DLGAP4: variants seen among roughly 807,000 people sequenced by gnomAD.
The protein encoded by DLGAP4 is disks large-associated protein 4.
Under a neutral mutation model 86.9 loss-of-function variants are expected in DLGAP4, and 18 were observed. The observed-to-expected ratio is 0.21, with a 90% CI of 0.14 to 0.31. The LOEUF (loss-of-function observed/expected upper bound fraction) is 0.31. DLGAP4 is among the 10% of genes least tolerant of loss of function. The pLI is 1.00. For missense variants in DLGAP4, 1,085 were observed against 1,362.6 expected (o/e 0.80, Z 3.21); for synonymous variants, 548 against 574.3 (o/e 0.95, Z 0.65).
At chr20:36,381,923 C>T (rs1037786311) in intron 2 of DLGAP4, among the ~76,000 whole-genome samples, 1 of 152,196 alleles carries the variant, frequency 6.6e-6, no homozygotes, top group Non-Finnish European at 1.5e-5. Flanking sequence ...CTTGGAATCT[C>T]ATGGGGTCCC....
chr20:36,446,612 C>A (rs1006741458), intron 6 of DLGAP4, 85 bp from the exon 7 acceptor site: 18 of 1,346,472 alleles, frequency 1.3e-5, no homozygotes, highest in Non-Finnish European at 1.8e-5. Context: ...ACTGTCCAGC[C>A]CTGCCCTGAG....
chr20:36,409,274 A>C (rs907157695), intron 2 of DLGAP4, among the ~76,000 whole-genome samples: 4 of 151,414 alleles, frequency 2.6e-5, no homozygotes, highest in Non-Finnish European at 5.9e-5. Context: ...TTGGTCTTCA[A>C]CTCCTGGCCT....
chr20:36,467,053 TCTCTCTCTCTCC>T (rs2034432195), intron 7 of DLGAP4, among the ~76,000 whole-genome samples: 2 of 120,882 alleles, frequency 1.7e-5, no homozygotes, highest in African/African-American at 4.0e-5. Context: ...TCTCTCTCTC[TCTCTCTCTCTCC>T]CCCCCCCTTC....
At position 36,414,618 on chromosome 20, in the gene DLGAP4, G is replaced by A. The variant is rs76163314; in HGVS notation, c.-72-17028G>A. 2.7e-3 allele frequency among the ~76,000 whole-genome samples: 406 copies of A among 152,322 alleles called. 3 individuals carry two copies. The highest frequency in any genetic ancestry group is 9.5e-3 in the African/African-American group (393 of 41,572). ...GTCAGCCCCTGCTTGAGCCCAGTTA[G>A]CAAAGTGGAGCGTGAGAGAGTTGGA... On this transcript the variant is annotated intron_variant, in intron 2 of 12. Transcript: ENST00000339266.
At chr20:36,465,314 C>T (rs1218253355) in intron 7 of DLGAP4, 1 of 152,200 alleles carries the variant, frequency 6.6e-6, no homozygotes, top group Non-Finnish European at 1.5e-5. Context: ...GACCATTGTT[C>T]TCCACCAACA....
intron 1 of DLGAP4, among the ~76,000 whole-genome samples, chr20:36,354,162 C>T (rs897607684): frequency 2.0e-5 from 3 of 152,144 alleles, no homozygotes; most frequent in Non-Finnish European, 2.9e-5. Flanking sequence ...CCTCTGAACA[C>T]CCACAGTCCC....
intron 2 of DLGAP4, among the ~76,000 whole-genome samples, chr20:36,425,379 A>T (rs2032945763): frequency 6.6e-6 from 1 of 152,222 alleles, no homozygotes; most frequent in African/African-American, 2.4e-5. Flanking sequence ...CCACAGGGAG[A>T]TACCAGTTCA....
chr20:36,467,069 C>CG (rs2034445117), intron 7 of DLGAP4, among the ~76,000 whole-genome samples: 1 of 129,272 alleles, frequency 7.7e-6, no homozygotes, highest in African/African-American at 3.7e-5. Flanking sequence ...TCTCTCCCCC[C>CG]CCCTTCTCTC....
intron 2 of DLGAP4, among the ~76,000 whole-genome samples, chr20:36,418,912 G>A (rs941191829): frequency 1.3e-5 from 2 of 152,126 alleles, no homozygotes. Context: ...GAATGCATCA[G>A]GATTATGGAG....
chr20:36,459,036 G>A (rs2033955369), intron 7 of DLGAP4, among the ~76,000 whole-genome samples: 1 of 152,210 alleles, frequency 6.6e-6, no homozygotes, highest in African/African-American at 2.4e-5. Flanking sequence ...TGACTATCTG[G>A]GAAGTTGGGA....
intron 2 of DLGAP4, among the ~76,000 whole-genome samples, chr20:36,430,984 G>C (rs1600519382): frequency 6.7e-6 from 1 of 150,032 alleles, no homozygotes; most frequent in African/African-American, 2.4e-5. Context: ...AGACCTCTCT[G>C]GCCCTCTAAA....
chr20:36,349,294 T>G (rs2030058047), intron 1 of DLGAP4, among the ~76,000 whole-genome samples: 1 of 151,178 alleles, frequency 6.6e-6, no homozygotes, highest in South Asian at 2.1e-4. Flanking sequence ...GGCAGGCGCC[T>G]GTAGTCCCAG....
chr20:36,438,847 G>A (rs967790873), intron 4 of DLGAP4, among the ~76,000 whole-genome samples: 1 of 151,262 alleles, frequency 6.6e-6, no homozygotes, highest in Admixed American at 6.6e-5. Context: ...TAGCTGAGCT[G>A]ACCTCAGGTG....
At chr20:36,520,987 C>T (rs1163282352) in intron 10 of DLGAP4, among the ~76,000 whole-genome samples, 5 of 152,202 alleles carry the variant, frequency 3.3e-5, no homozygotes, top group Non-Finnish European at 1.5e-5. Flanking sequence ...TGTCCACCAC[C>T]AAGCCCGGCT....
chr20:36,497,237 G>T lies in DLGAP4; in HGVS notation c.2010+171G>T, dbSNP rs532378559. 4.2e-5 allele frequency: 41 copies of T among 985,380 alleles called. No individual in the cohort carries two copies. The South Asian group carries it at 1.7e-3, about 41-fold the overall frequency. The allele number at this position is 985,380 out of a possible 1,614,324, so 61.0% of individuals were successfully genotyped here. On this transcript the variant is annotated intron_variant, in intron 8 of 12. Transcript: ENST00000339266. Reference sequence around the variant, plus strand: ...CGAATTCCACCCATAGCCACGCCTCGCTGGTATCTGTCCACACGTGCTGCT... The same window carrying T: ...CGAATTCCACCCATAGCCACGCCTCTCTGGTATCTGTCCACACGTGCTGCT...
intron 2 of DLGAP4, among the ~76,000 whole-genome samples, chr20:36,414,153 G>A (rs1180860929): frequency 6.6e-6 from 1 of 152,214 alleles, no homozygotes; most frequent in Non-Finnish European, 1.5e-5. Flanking sequence ...ACTTGCCTGA[G>A]GTCACAAGGT....
intron 1 of DLGAP4, among the ~76,000 whole-genome samples, chr20:36,312,258 G>A (rs1488859884): frequency 3.3e-5 from 5 of 152,136 alleles, no homozygotes; most frequent in African/African-American, 2.4e-5. Flanking sequence ...GACCATGACC[G>A]GCAGTCCATT....
intron 10 of DLGAP4, among the ~76,000 whole-genome samples, chr20:36,504,203 T>C (rs908598291): frequency 1.3e-5 from 2 of 152,220 alleles, no homozygotes; most frequent in African/African-American, 4.8e-5. Flanking sequence ...TCCAAAACTT[T>C]CATCTAAAAC....
chr20:36,386,969 C>T (rs909223990), intron 2 of DLGAP4, among the ~76,000 whole-genome samples: 1 of 152,104 alleles, frequency 6.6e-6, no homozygotes, highest in Non-Finnish European at 1.5e-5. Flanking sequence ...AATAGTATTC[C>T]ATTGTATGCT....
Sources: allele counts gnomAD v4.1 joint callset (sites outside exome capture counted in the v4.1 genomes callset), GRCh38; gene constraint gnomAD v4.1.1; transcripts MANE v1.5; gene names NCBI Gene and HGNC (gene_info 2026-07-23, HGNC 2026-07-21).